Variants in PBX1 observed in about 807,000 individuals in gnomAD.
PBX1 encodes PBX homeobox 1.
A neutral mutation model predicts 53.4 loss-of-function variants in PBX1; 6 were observed. That is an observed-to-expected ratio of 0.11 (90% confidence interval 0.06 to 0.22). PBX1 has a LOEUF of 0.22. PBX1 is among the 10% of genes least tolerant of loss of function. The pLI, the probability that PBX1 is intolerant of heterozygous loss-of-function variation, is 1.00. For missense variants in PBX1, 251 were observed against 551.4 expected, an observed-to-expected ratio of 0.46 and a Z score of 5.46; for synonymous variants, 204 against 212.3, an observed-to-expected ratio of 0.96 and a Z score of 0.34.
At chr1:164,744,280 G>A (rs1225576502) in intron 2 of PBX1, among the ~76,000 whole-genome samples, 1 of 152,124 alleles carries the variant, frequency 6.6e-6, no homozygotes, top group Non-Finnish European at 1.5e-5. Context: ...TGTAACTTTG[G>A]AGGAATTTCT....
At position 164,870,208 on chromosome 1, in the gene PBX1, C is replaced by T. The variant is rs866250802; in HGVS notation, n.258-28980C>T. Among the ~76,000 whole-genome samples, 75 of 136,480 alleles carry T rather than the reference C, an allele frequency of 5.5e-4. 2 individuals carry two copies. The highest frequency in any genetic ancestry group is 1.0e-3 in the South Asian group (4 of 3,836). The allele number at this position is 136,480 out of a possible 152,430, so 89.5% of individuals were successfully genotyped here. A position where few individuals can be genotyped will look rare whatever the true frequency, so the allele number is the denominator to read the frequency against. ...CTCTATTGACTTTCTTTCTTTCTTT[C>T]TTTTCTTTCTTTCCTTCCTTCCTTC... On this transcript the variant is annotated intron_variant and non_coding_transcript_variant, in intron 2 of 2. Transcript: ENST00000558796.
intron 2 of PBX1, among the ~76,000 whole-genome samples, chr1:164,884,101 G>A (rs190168092): frequency 8.7e-4 from 132 of 152,264 alleles, no homozygotes; most frequent in Non-Finnish European, 1.6e-3. Flanking sequence ...ATATTACTAG[G>A]ATCAGTTGCT....
intron 2 of PBX1, chr1:164,642,771 A>G (rs997556838): frequency 6.6e-6 from 1 of 152,172 alleles, no homozygotes; most frequent in Non-Finnish European, 1.5e-5. Flanking sequence ...AGTTCTGGAG[A>G]CTGGACATAA....
intron 2 of PBX1, among the ~76,000 whole-genome samples, chr1:164,616,466 A>T (rs1314686666): frequency 1.3e-5 from 2 of 152,190 alleles, no homozygotes; most frequent in Non-Finnish European, 2.9e-5. Flanking sequence ...TCTTGGGTGT[A>T]TCTCCCTTGA....
At chr1:164,594,420 G>A (rs1051633868) in intron 2 of PBX1, among the ~76,000 whole-genome samples, 5 of 152,066 alleles carry the variant, frequency 3.3e-5, no homozygotes, top group African/African-American at 9.6e-5. Flanking sequence ...TCAGCTTACC[G>A]AGTAGCTGGG....
At chr1:164,737,587 G>A (rs1019683165) in intron 2 of PBX1, among the ~76,000 whole-genome samples, 3 of 151,122 alleles carry the variant, frequency 2.0e-5, no homozygotes, top group African/African-American at 7.3e-5. Flanking sequence ...CAAGAGATTC[G>A]CCTGCCTCAG....
At chr1:164,588,608 G>A (rs1655126977) in intron 2 of PBX1, among the ~76,000 whole-genome samples, 1 of 150,268 alleles carries the variant, frequency 6.7e-6, no homozygotes, top group South Asian at 2.1e-4. Context: ...CCCCACCTCT[G>A]GTTCCTTCTT....
intron 2 of PBX1, among the ~76,000 whole-genome samples, chr1:164,861,400 T>C (rs1672094378): frequency 6.6e-6 from 1 of 152,214 alleles, no homozygotes; most frequent in Non-Finnish European, 1.5e-5. Flanking sequence ...CTGGATTGTC[T>C]AACAAACCTG....
At chr1:164,647,054 C>T (rs921173160) in intron 2 of PBX1, among the ~76,000 whole-genome samples, 1 of 152,328 alleles carries the variant, frequency 6.6e-6, no homozygotes, top group South Asian at 2.1e-4. Context: ...AACTTCAACC[C>T]CTGCACCTTT....
intron 2 of PBX1, among the ~76,000 whole-genome samples, chr1:164,675,992 A>G (rs146638536): frequency 5.3e-5 from 8 of 152,224 alleles, no homozygotes; most frequent in Non-Finnish European, 1.0e-4. Flanking sequence ...TGTTAGGGCT[A>G]TGCCCTTTAT....
At chr1:164,593,293 T>G (rs1386720015) in intron 2 of PBX1, among the ~76,000 whole-genome samples, 3 of 152,138 alleles carry the variant, frequency 2.0e-5, no homozygotes, top group Admixed American at 2.0e-4. Context: ...ACTTATCTCT[T>G]TATAATTCCA....
intron 2 of PBX1, among the ~76,000 whole-genome samples, chr1:164,655,718 G>A (rs1660127631): frequency 6.6e-6 from 1 of 152,182 alleles, no homozygotes; most frequent in Non-Finnish European, 1.5e-5. Flanking sequence ...TTGGTTTTGT[G>A]TGTGTGTTTG....
At chr1:164,679,030 T>C (rs1661596932) in intron 2 of PBX1, among the ~76,000 whole-genome samples, 1 of 152,238 alleles carries the variant, frequency 6.6e-6, no homozygotes, top group Non-Finnish European at 1.5e-5. Flanking sequence ...TACATGTATC[T>C]TCTTGTATCA....
chr1:164,825,250 C>G (rs971788784), intron 8 of PBX1, among the ~76,000 whole-genome samples: 8 of 152,282 alleles, frequency 5.3e-5, no homozygotes, highest in African/African-American at 1.7e-4. Context: ...GAGTCTCAAG[C>G]CCAGCTCCTC....
intron 2 of PBX1, among the ~76,000 whole-genome samples, chr1:164,881,126 T>G (rs1005124097): frequency 6.6e-6 from 1 of 152,052 alleles, no homozygotes; most frequent in Non-Finnish European, 1.5e-5. Context: ...CTCCCCTTTT[T>G]CTCCCACCAT....
intron 2 of PBX1, among the ~76,000 whole-genome samples, chr1:164,881,773 A>G (rs1672665891): frequency 6.6e-6 from 1 of 152,184 alleles, no homozygotes. Context: ...ATTGGCTGCT[A>G]TCTTCTAGTT....
intron 2 of PBX1, among the ~76,000 whole-genome samples, chr1:164,570,365 C>G (rs951018207): frequency 6.6e-6 from 1 of 152,124 alleles, no homozygotes; most frequent in Non-Finnish European, 1.5e-5. Flanking sequence ...CCTTGTCCCC[C>G]ACCCCCTGAC....
chr1:164,821,710 CA>C (rs939930018), intron 8 of PBX1, 84 bp downstream of exon 8: 3 of 989,464 alleles, frequency 3.0e-6, no homozygotes, highest in African/African-American at 3.2e-5. Context: ...CCCAGAATGC[CA>C]CTTAGTAGGG....
chr1:164,811,310 G>A (rs2102344174), intron 5 of PBX1, among the ~76,000 whole-genome samples: 1 of 152,286 alleles, frequency 6.6e-6, no homozygotes, highest in South Asian at 2.1e-4. Context: ...ATTAACAAAT[G>A]AAAGTAAATT....
Sources: allele counts gnomAD v4.1 joint callset (sites outside exome capture counted in the v4.1 genomes callset), GRCh38; gene constraint gnomAD v4.1.1; transcripts MANE v1.5; gene names NCBI Gene and HGNC (gene_info 2026-07-23, HGNC 2026-07-21).